Variants in UBOX5 observed in about 807,000 individuals in gnomAD.
The protein encoded by UBOX5 is RING finger protein 37.
A neutral mutation model predicts 39.0 loss-of-function variants in UBOX5; 28 were observed. The ratio of observed to expected loss-of-function variants is 0.72; its 90% CI spans 0.53 to 0.98. The LOEUF (loss-of-function observed/expected upper bound fraction) is 0.98. UBOX5 is among the 50% of genes least tolerant of loss of function. The probability of loss-of-function intolerance (pLI) is 0.00; values close to 1 mark genes in which losing one functional copy is unlikely to be tolerated. For missense variants in UBOX5, 585 were observed against 674.4 expected (o/e 0.87, Z 1.47); for synonymous variants, 283 against 275.5 (o/e 1.03, Z -0.27).
Position 3,149,378 on chromosome 20 carries a change from G to A in UBOX5, c.-42+10388C>T, listed in dbSNP as rs556315088. 2.9e-6 allele frequency: 1 copy of A among 340,494 alleles called. No homozygotes were observed. The highest frequency in any genetic ancestry group is 5.3e-6 in the Non-Finnish European group (1 of 187,026). The allele number at this position is 340,494 out of a possible 1,614,324, so 21.1% of individuals were successfully genotyped here. Reference sequence around the variant, plus strand: ...GTCTACTCAAATAAGTTCAATGCTAGTAAATGCCCAAACCACATGACAGCA... The same window carrying A: ...GTCTACTCAAATAAGTTCAATGCTAATAAATGCCCAAACCACATGACAGCA... On this transcript the variant is annotated intron_variant, in intron 1 of 4. Coordinates refer to ENST00000217173, the MANE Select transcript of UBOX5 (RefSeq NM_014948.4). This position sits in a 1 kb window ranked among gnomAD's most constrained non-coding sequence, Gnocchi z 4.1.
Position 3,149,759 on chromosome 20 carries a change from T to C in UBOX5, c.-42+10007A>G, listed in dbSNP as rs578078033. 6.6e-6 allele frequency among the ~76,000 whole-genome samples: 1 copy of C among 152,334 alleles called. No individual in the cohort carries two copies. The highest frequency in any genetic ancestry group is 1.5e-5 in the Non-Finnish European group (1 of 68,042). On this transcript the variant is annotated intron_variant, in intron 1 of 4. Coordinates refer to ENST00000217173, the MANE Select transcript of UBOX5 (RefSeq NM_014948.4). This position sits in a 1 kb window ranked among gnomAD's most constrained non-coding sequence, Gnocchi z 4.1. ...TGGCTGGGTGTGGGTGGCTCATGCCTGTAATGCCAGCACTTTGGGAGGCCG... is the reference window on the plus strand; with the variant it reads ...TGGCTGGGTGTGGGTGGCTCATGCCCGTAATGCCAGCACTTTGGGAGGCCG...
Position 3,122,072 on chromosome 20 carries a change from C to T in UBOX5, c.567G>A (p.Lys189=). The part of the protein sequence containing the change: ...HVTGGGIPCI[K]RLEVWGQPAK... The stretch of plus-strand genomic sequence containing the variant: ...CCGGCTGACCCCACACTTCCAACCG[C>T]TTGATACAAGGGATACCGCCGCCTG... The change falls in exon 3 of 5, where the codon AAG becomes AAA. Residue 189 remains lysine (K), a synonymous_variant. Transcript: ENST00000217173. The T allele has an allele frequency of 6.2e-7, 1 of 1,614,226 alleles. No individual in the cohort carries two copies. Among genetic ancestry groups the T allele is most frequent in the Non-Finnish European group, 8.5e-7 (1 of 1,180,040 alleles).
intron 4 of UBOX5, among the ~76,000 whole-genome samples, chr20:3,113,778 G>A (rs2066272867): frequency 6.6e-6 from 1 of 152,224 alleles, no homozygotes; most frequent in Non-Finnish European, 1.5e-5. Context: ...GATGGGGGCA[G>A]TGAGGGGGAA....
intron 3 of UBOX5, among the ~76,000 whole-genome samples, chr20:3,117,287 GCACACACACACACACACACACA>G (rs11468015): frequency 2.0e-5 from 3 of 147,520 alleles, no homozygotes; most frequent in South Asian, 2.1e-4. Context: ...ACCAAAGATG[GCACACACACACACACACACACA>G]CACACACACA....
intron 1 of UBOX5, among the ~76,000 whole-genome samples, chr20:3,141,737 G>A (rs1343146337): frequency 1.3e-5 from 2 of 152,206 alleles, no homozygotes; most frequent in African/African-American, 4.8e-5. Flanking sequence ...ACTCAGCCGG[G>A]AGTGGTGGCT....
At chr20:3,152,349 T>C (rs1281617532) in intron 1 of UBOX5, among the ~76,000 whole-genome samples, 3 of 151,302 alleles carry the variant, frequency 2.0e-5, no homozygotes, top group South Asian at 2.1e-4. Context: ...GGCGTGGTGG[T>C]GGGCGCCTGC....
At position 3,126,323 on chromosome 20, in the gene UBOX5, A is replaced by C. The variant is rs568485600; in HGVS notation, c.-41-2917T>G. On this transcript the variant is annotated intron_variant, in intron 1 of 4. Coordinates refer to ENST00000217173, the MANE Select transcript of UBOX5 (RefSeq NM_014948.4). ...GCTTGAAGGCAGCATGCTCGTTAAG[A>C]GTCATCACCACTCCCTAATCTCAAG... Among the ~76,000 whole-genome samples, 5 of 152,164 alleles carry C rather than the reference A, an allele frequency of 3.3e-5. No individual in the cohort carries two copies. In the East Asian group the frequency reaches 9.7e-4, roughly 29 times the overall value.
At chr20:3,120,021 G>A (rs936765775) in intron 3 of UBOX5, among the ~76,000 whole-genome samples, 9 of 151,784 alleles carry the variant, frequency 5.9e-5, no homozygotes, top group African/African-American at 2.2e-4. Flanking sequence ...AATGCCCCAG[G>A]GAAGAGGCAG....
chr20:3,118,636 C>T (rs1463166602), intron 3 of UBOX5, among the ~76,000 whole-genome samples: 1 of 151,650 alleles, frequency 6.6e-6, no homozygotes, highest in Non-Finnish European at 1.5e-5. Flanking sequence ...GCCAGGTGTG[C>T]TGGCGGGCGC....
chr20:3,128,157 C>T (rs905279467), intron 1 of UBOX5, among the ~76,000 whole-genome samples: 6 of 152,242 alleles, frequency 3.9e-5, no homozygotes, highest in Non-Finnish European at 8.8e-5. Context: ...TGCATTGTGT[C>T]TACAAATATC....
chr20:3,115,753 CTTTTTTTTT>C (rs11481933), intron 3 of UBOX5, among the ~76,000 whole-genome samples: 1 of 87,938 alleles, frequency 1.1e-5, no homozygotes, highest in Admixed American at 1.5e-4. Context: ...CTGCACGCTC[CTTTTTTTTT>C]TTTTTTTTTT....
chr20:3,121,207 T>C (rs569352801), intron 3 of UBOX5, among the ~76,000 whole-genome samples, 177 bp downstream of exon 3: 6 of 152,234 alleles, frequency 3.9e-5, no homozygotes, highest in African/African-American at 1.4e-4. Flanking sequence ...AGGCTCCAGG[T>C]TGTCCCTGGT....
intron 1 of UBOX5, among the ~76,000 whole-genome samples, chr20:3,125,661 T>C (rs2066380505): frequency 8.0e-6 from 1 of 124,924 alleles, no homozygotes; most frequent in Non-Finnish European, 1.6e-5. Context: ...GTCTGAGAAG[T>C]GAGGAGCGCC....
At chr20:3,120,081 C>G (rs777279341) in intron 3 of UBOX5, among the ~76,000 whole-genome samples, 2 of 152,130 alleles carry the variant, frequency 1.3e-5, no homozygotes, top group African/African-American at 2.4e-5. Context: ...AGGCCAGGCA[C>G]AGTGGCTTGC....
chr20:3,138,134 A>G (rs2148610565), intron 1 of UBOX5, among the ~76,000 whole-genome samples: 1 of 152,244 alleles, frequency 6.6e-6, no homozygotes, highest in Admixed American at 6.5e-5. Context: ...TTAGCCAGCC[A>G]TGGTGGCGCA....
At chr20:3,142,787 A>AG (rs1203039474) in intron 1 of UBOX5, among the ~76,000 whole-genome samples, 1 of 150,752 alleles carries the variant, frequency 6.6e-6, no homozygotes, top group East Asian at 1.9e-4. Flanking sequence ...AAAAAAAAAA[A>AG]AAAAAGAAAA....
intron 1 of UBOX5, among the ~76,000 whole-genome samples, chr20:3,151,356 G>A (rs932883304): frequency 6.6e-6 from 1 of 152,218 alleles, no homozygotes; most frequent in Non-Finnish European, 1.5e-5. Context: ...TATTGTCTAT[G>A]TCTGCTTTCC....
chr20:3,154,911 G>A (rs559140341), intron 1 of UBOX5, among the ~76,000 whole-genome samples: 2 of 152,044 alleles, frequency 1.3e-5, no homozygotes, highest in Admixed American at 6.6e-5. Flanking sequence ...CAATTGGACA[G>A]GTGTGGTGGC....
At chr20:3,121,184 T>C (rs752512300) in intron 3 of UBOX5, among the ~76,000 whole-genome samples, 200 bp downstream of exon 3, 1 of 152,120 alleles carries the variant, frequency 6.6e-6, no homozygotes, top group Non-Finnish European at 1.5e-5. Flanking sequence ...CGAGAACACA[T>C]GGAACCCCTC....
Sources: gnomAD v4.1 joint callset for allele counts (sites outside exome capture counted in the v4.1 genomes callset) on GRCh38, gnomAD v4.1.1 for gene constraint, Gnocchi (gnomAD v3.1) non-coding constraint, MANE v1.5 for transcripts, NCBI Gene and HGNC (gene_info 2026-07-23, HGNC 2026-07-21) for gene names.